GPI: variants seen among roughly 807,000 people sequenced by gnomAD.
The protein encoded by GPI is glucose-6-phosphate isomerase, also known as D-hexose-6-phosphate anomerase.
Under a neutral mutation model 75.8 loss-of-function variants are expected in GPI, and 56 were observed. That is an observed-to-expected ratio of 0.74 (90% confidence interval 0.60 to 0.92). The LOEUF (loss-of-function observed/expected upper bound fraction) is 0.92, where lower values mean the gene tolerates loss of function less well. Ranked by LOEUF, GPI falls within the 40% of genes least tolerant of loss-of-function variation. The probability of loss-of-function intolerance (pLI) is 0.00; values close to 1 mark genes in which losing one functional copy is unlikely to be tolerated. For synonymous variants in GPI, 288 were observed against 285.4 expected (o/e 1.01, Z -0.09); for missense variants, 638 against 741.0 (o/e 0.86, Z 1.61).
In GPI at chr19:34,379,990, G is replaced by GTT. The variant is rs953154032; in HGVS notation, c.750+453_750+454dup. The GTT allele has an allele frequency of 2.8e-3, 285 of 102,486 alleles. 2 individuals are homozygous for GTT. The highest frequency in any genetic ancestry group is 5.4e-3 in the South Asian group (22 of 4,074). The allele number at this position is 102,486 out of a possible 1,614,324, so 6.3% of individuals were successfully genotyped here. On this transcript the variant is annotated intron_variant, in intron 8 of 17. Coordinates refer to ENST00000356487, the MANE Select transcript of GPI (RefSeq NM_000175.5). ...CCCCCTACTTAGTGTGTGTGGTTTTGTTTTTTTTTTTTTTTTTTTTTTTTT... is the reference window on the plus strand; with the variant it reads ...CCCCCTACTTAGTGTGTGTGGTTTTGTTTTTTTTTTTTTTTTTTTTTTTTTTT...
At chr19:34,399,513 G>GCTAA in intron 15 of GPI, 43 bp from the exon 16 acceptor site, 3 of 1,597,962 alleles carry the variant, frequency 1.9e-6, no homozygotes, top group Non-Finnish European at 2.6e-6. Flanking sequence ...AGGGGTTTAG[G>GCTAA]GATCAGGACT....
Position 34,365,291 on chromosome 19 carries a change from C to A in GPI, c.25C>A (p.Gln9Lys). 1.9e-6 allele frequency: 3 copies of A among 1,580,984 alleles called. No homozygotes were observed. Among genetic ancestry groups the A allele is most frequent in the Non-Finnish European group, 2.6e-6 (3 of 1,166,010 alleles). MAALTRDP[Q>K]FQKLQQWYRE... ...CATGGCCGCTCTCACCCGGGACCCC[C>A]AGTTCCAGAAGCTGCAGCAATGGTA... Residue 9 changes from glutamine to lysine, a missense_variant, in exon 1 of 18, where the codon CAG (glutamine) becomes AAG (lysine). Transcript: ENST00000356487.
At chr19:34,381,395 C>A in intron 8 of GPI, 71 bp from the exon 9 acceptor site, 4 of 1,013,094 alleles carry the variant, frequency 3.9e-6, no homozygotes, top group Non-Finnish European at 6.3e-6. Context: ...CCCTGCCTCC[C>A]GGAGCTCCTG....
intron 9 of GPI, among the ~76,000 whole-genome samples, chr19:34,385,360 C>CAAAAAAAAA (rs58133757): frequency 3.2e-5 from 3 of 95,110 alleles, no homozygotes; most frequent in Non-Finnish European, 7.2e-5. Flanking sequence ...AAACAAAAAA[C>CAAAAAAAAA]AAAAAAAAAA....
intron 9 of GPI, among the ~76,000 whole-genome samples, chr19:34,391,109 G>A (rs1245449126): frequency 6.6e-6 from 1 of 151,466 alleles, no homozygotes; most frequent in Non-Finnish European, 1.5e-5. Flanking sequence ...TTGGACTCAG[G>A]TTTGAGGCCC....
intron 4 of GPI, among the ~76,000 whole-genome samples, chr19:34,370,597 C>T (rs1366778149): frequency 6.6e-6 from 1 of 151,988 alleles, no homozygotes; most frequent in African/African-American, 2.4e-5. Context: ...TGGTGGCGAG[C>T]ACCTGTAATA....
rs564739781 is a variant in GPI at position 34,390,613 on chromosome 19, A to G, written c.805-2635A>G. On this transcript the variant is annotated intron_variant, in intron 9 of 17. Coordinates refer to ENST00000356487, the MANE Select transcript of GPI (RefSeq NM_000175.5). The stretch of plus-strand genomic sequence containing the variant: ...GAGGAGATAACAGCAGGTTACAGGT[A>G]TGAGGCCCTGGGTCTGCTGGTGTCT... Among the ~76,000 whole-genome samples, 12 of 151,116 alleles carry G rather than the reference A, an allele frequency of 7.9e-5. No homozygotes were observed. The South Asian group carries it at 2.5e-3, about 32-fold the overall frequency.
intron 1 of GPI, chr19:34,365,723 G>T: frequency 1.9e-6 from 1 of 517,088 alleles, no homozygotes; most frequent in South Asian, 1.5e-5. Flanking sequence ...GAGAGGCCTT[G>T]GCTGACGCAG....
chr19:34,394,777 G>A (rs1421343216), intron 12 of GPI, among the ~76,000 whole-genome samples: 4 of 151,676 alleles, frequency 2.6e-5, no homozygotes, highest in African/African-American at 4.8e-5. Context: ...GCAGTGGCGC[G>A]ATCTCGGCTC....
intron 9 of GPI, among the ~76,000 whole-genome samples, chr19:34,387,746 A>C (rs548712718): frequency 6.6e-6 from 1 of 152,294 alleles, no homozygotes; most frequent in Admixed American, 6.5e-5. Flanking sequence ...AGTTCCACAG[A>C]GGTTGTATAA....
chr19:34,369,213 T>C (rs1440649018), intron 4 of GPI, among the ~76,000 whole-genome samples: 1 of 151,958 alleles, frequency 6.6e-6, no homozygotes, highest in Non-Finnish European at 1.5e-5. Context: ...CCTGCTCAGC[T>C]AATTTTTGTA....
chr19:34,360,942 TA>T (rs2074297918), upstream of GPI, among the ~76,000 whole-genome samples: 1 of 152,000 alleles, frequency 6.6e-6, no homozygotes, highest in Non-Finnish European at 1.5e-5. Context: ...CACGCCTGGC[TA>T]ATTTTTGTAA....
chr19:34,363,978 CCT>C (rs1175453219), upstream of GPI, among the ~76,000 whole-genome samples: 2 of 152,110 alleles, frequency 1.3e-5, no homozygotes, highest in African/African-American at 4.8e-5. Context: ...TCCTGTGACC[CCT>C]CAGTGACCAC....
upstream of GPI, among the ~76,000 whole-genome samples, chr19:34,361,346 C>T (rs895956376): frequency 1.3e-5 from 2 of 152,136 alleles, no homozygotes; most frequent in African/African-American, 2.4e-5. Flanking sequence ...CCCACCTCAG[C>T]CTCCAAAAGT....
At chr19:34,383,080 G>T (rs1056509075) in intron 9 of GPI, among the ~76,000 whole-genome samples, 1 of 152,206 alleles carries the variant, frequency 6.6e-6, no homozygotes, top group Non-Finnish European at 1.5e-5. Context: ...TCTGGTAGGG[G>T]TATGTAGAAG....
upstream of GPI, chr19:34,365,175 C>G (rs370484673): frequency 3.3e-5 from 42 of 1,273,060 alleles, no homozygotes; most frequent in South Asian, 3.8e-4. Flanking sequence ...CCATAAAGGC[C>G]GCCGCGCGCC....
intron 6 of GPI, among the ~76,000 whole-genome samples, chr19:34,378,237 AG>A (rs1386052339): frequency 6.6e-6 from 1 of 152,142 alleles, no homozygotes; most frequent in African/African-American, 2.4e-5. Context: ...TCTGTCACCC[AG>A]GCTGGAGTGT....
At chr19:34,396,087 C>A (rs1028593462) in intron 12 of GPI, among the ~76,000 whole-genome samples, 1 of 151,916 alleles carries the variant, frequency 6.6e-6, no homozygotes, top group Non-Finnish European at 1.5e-5. Context: ...TACAGGCATG[C>A]GCCATCACAC....
At chr19:34,375,773 C>T (rs745711574) in intron 4 of GPI, among the ~76,000 whole-genome samples, 12 of 152,180 alleles carry the variant, frequency 7.9e-5, no homozygotes, top group Non-Finnish European at 1.2e-4. Context: ...AGAAACTGCA[C>T]GTTCTCTGAA....
Sources: gnomAD v4.1 joint callset for allele counts (sites outside exome capture counted in the v4.1 genomes callset) on GRCh38, gnomAD v4.1.1 for gene constraint, MANE v1.5 for transcripts, NCBI Gene and HGNC (gene_info 2026-07-23, HGNC 2026-07-21) for gene names.